Variants in NELL1 observed in about 807,000 individuals in gnomAD.
NELL1 encodes protein kinase C-binding protein NELL1.
In NELL1, 76 loss-of-function variants were observed where a neutral mutation model predicts 107.4. The ratio of observed to expected loss-of-function variants is 0.71; its 90% confidence interval spans 0.59 to 0.86. The LOEUF (loss-of-function observed/expected upper bound fraction) is 0.86. Ranked by LOEUF, NELL1 falls within the 40% of genes least tolerant of loss-of-function variation. The pLI is 0.00. For synonymous variants in NELL1, 353 were observed against 341.2 expected (o/e 1.03, Z -0.38); for missense variants, 1,024 against 1,005.5 (o/e 1.02, Z -0.25).
chr11:20,744,210 A>G (rs1215229626), intron 2 of NELL1, among the ~76,000 whole-genome samples: 1 of 152,192 alleles, frequency 6.6e-6, no homozygotes, highest in Non-Finnish European at 1.5e-5. Flanking sequence ...TCCTACAGGC[A>G]ACACTCTTAT....
At chr11:21,328,590 A>G (rs1406080491) in intron 14 of NELL1, among the ~76,000 whole-genome samples, 2 of 151,982 alleles carry the variant, frequency 1.3e-5, no homozygotes, top group Admixed American at 1.3e-4. Flanking sequence ...CGTTCTCCTG[A>G]CTCCAGAATG....
At chr11:20,793,526 A>G (rs1857114152) in intron 3 of NELL1, among the ~76,000 whole-genome samples, 1 of 151,964 alleles carries the variant, frequency 6.6e-6, no homozygotes, top group African/African-American at 2.4e-5. Context: ...ATGTTGGATT[A>G]TCTTGTTGGT....
At chr11:21,401,035 A>G (rs1032405478) in intron 15 of NELL1, among the ~76,000 whole-genome samples, 1 of 151,952 alleles carries the variant, frequency 6.6e-6, no homozygotes. Flanking sequence ...TCACAGAGCT[A>G]TAGAAAGAAT....
At chr11:20,733,310 A>G (rs1259982664) in intron 2 of NELL1, among the ~76,000 whole-genome samples, 2 of 152,194 alleles carry the variant, frequency 1.3e-5, no homozygotes, top group East Asian at 3.9e-4. Context: ...GCTTCCTAGA[A>G]GTGACATCTA....
chr11:21,532,170 C>T (rs980726222), intron 15 of NELL1, among the ~76,000 whole-genome samples: 1 of 152,148 alleles, frequency 6.6e-6, no homozygotes, highest in East Asian at 1.9e-4. Flanking sequence ...GGCTTCTCCA[C>T]TACTTTCTCA....
intron 15 of NELL1, among the ~76,000 whole-genome samples, chr11:21,472,767 A>C (rs1418494017): frequency 1.3e-5 from 2 of 151,844 alleles, no homozygotes; most frequent in Non-Finnish European, 2.9e-5. Flanking sequence ...GAAACAATCA[A>C]ATAGGAAATG....
chr11:21,158,380 C>T (rs966857170), intron 13 of NELL1, among the ~76,000 whole-genome samples: 2 of 152,136 alleles, frequency 1.3e-5, no homozygotes, highest in East Asian at 3.9e-4. Flanking sequence ...TCCTATTAGT[C>T]CTGTCTCTCT....
chr11:21,396,266 G>A (rs1851978199), intron 15 of NELL1, among the ~76,000 whole-genome samples: 2 of 151,506 alleles, frequency 1.3e-5, no homozygotes, highest in African/African-American at 2.4e-5. Context: ...TCCAGTGCCA[G>A]CAACTGAATT....
intron 2 of NELL1, among the ~76,000 whole-genome samples, chr11:20,690,148 A>G (rs1348193987): frequency 6.6e-6 from 1 of 152,012 alleles, no homozygotes; most frequent in Non-Finnish European, 1.5e-5. Flanking sequence ...TTTCTTGTGA[A>G]TTTGTTGGAG....
At chr11:20,979,039 T>C (rs1253463815) in intron 12 of NELL1, among the ~76,000 whole-genome samples, 14 of 152,200 alleles carry the variant, frequency 9.2e-5, no homozygotes, top group Non-Finnish European at 7.4e-5. Flanking sequence ...ACAAAGGGTT[T>C]AAATTAAAGG....
At chr11:20,984,631 C>T (rs972143277) in intron 12 of NELL1, among the ~76,000 whole-genome samples, 1 of 151,828 alleles carries the variant, frequency 6.6e-6, no homozygotes, top group African/African-American at 2.4e-5. Flanking sequence ...CGGCCATCTC[C>T]TCCTTTAACC....
chr11:21,367,338 G>A (rs1326325088), intron 14 of NELL1, among the ~76,000 whole-genome samples: 2 of 151,428 alleles, frequency 1.3e-5, no homozygotes, highest in Admixed American at 1.3e-4. Flanking sequence ...CTGGGTAGCA[G>A]TTGAAGAAGT....
At chr11:20,693,626 T>C (rs1157637761) in intron 2 of NELL1, among the ~76,000 whole-genome samples, 2 of 152,220 alleles carry the variant, frequency 1.3e-5, no homozygotes, top group Non-Finnish European at 2.9e-5. Context: ...CACTCTTTTC[T>C]GGCTTGTAGA....
At chr11:20,789,428 T>C (rs327043) in intron 3 of NELL1, among the ~76,000 whole-genome samples, 7,939 of 152,210 alleles carry the variant, frequency 0.052, 651 homozygotes, top group African/African-American at 0.18. Flanking sequence ...GGGAACACGG[T>C]GGCACCTGGA....
chr11:21,541,086 T>G (rs1856282166), intron 16 of NELL1, among the ~76,000 whole-genome samples: 2 of 152,156 alleles, frequency 1.3e-5, no homozygotes, highest in African/African-American at 4.8e-5. Flanking sequence ...TTTGATAGAT[T>G]TTTATCAATT....
chr11:21,326,941 T>C (rs1048100577), intron 14 of NELL1, among the ~76,000 whole-genome samples: 4 of 152,086 alleles, frequency 2.6e-5, no homozygotes, highest in African/African-American at 7.2e-5. Context: ...TTGTGTCCTT[T>C]TGTTTTTAAA....
At chr11:20,841,777 G>T (rs1026501018) in intron 3 of NELL1, among the ~76,000 whole-genome samples, 3 of 152,042 alleles carry the variant, frequency 2.0e-5, no homozygotes, top group Non-Finnish European at 4.4e-5. Flanking sequence ...GCCTTTTGAG[G>T]AATCCTAGGG....
chr11:21,097,277 A>G (rs1404688665), intron 12 of NELL1, among the ~76,000 whole-genome samples: 2 of 152,158 alleles, frequency 1.3e-5, no homozygotes, highest in Admixed American at 1.3e-4. Flanking sequence ...TCCAGGAATA[A>G]ATGCTTGGTG....
intron 14 of NELL1, among the ~76,000 whole-genome samples, chr11:21,314,809 T>A (rs1182058521): frequency 6.6e-6 from 1 of 152,124 alleles, no homozygotes; most frequent in Non-Finnish European, 1.5e-5. Flanking sequence ...TTGGAAAGAT[T>A]ATTGGCTGAT....
Sources: allele counts gnomAD v4.1 joint callset (sites outside exome capture counted in the v4.1 genomes callset), GRCh38; gene constraint gnomAD v4.1.1; transcripts MANE v1.5; gene names NCBI Gene and HGNC (gene_info 2026-07-23, HGNC 2026-07-21).